Variants in RYR1 observed in about 807,000 individuals in gnomAD.
RYR1 encodes the protein central core disease of muscle.
RYR1 carries 342 observed loss-of-function variants against 583.5 expected under a neutral mutation model. The ratio of observed to expected loss-of-function variants is 0.59; its 90% CI spans 0.54 to 0.64. RYR1 has a LOEUF of 0.64. Among genes scored for constraint, RYR1 ranks in the 30% least tolerant of loss-of-function variants. The probability of loss-of-function intolerance (pLI) is 0.00; values close to 1 mark genes in which losing one functional copy is unlikely to be tolerated. For missense variants in RYR1, 6,032 were observed against 6,917.2 expected, an observed-to-expected ratio of 0.87 and a Z score of 4.54; for synonymous variants, 2,791 against 2,822.5, an observed-to-expected ratio of 0.99 and a Z score of 0.35.
At chr19:38,576,035 C>G in intron 97 of RYR1, 74 bp downstream of exon 97, 1 of 1,557,814 alleles carries the variant, frequency 6.4e-7, no homozygotes, top group Non-Finnish European at 8.9e-7. Context: ...GCCTGCCAAG[C>G]ACTTGCTTGG....
rs372977083 is a variant in RYR1, at chr19:38,515,785, TA to T, written c.9555-298del. Among the ~76,000 whole-genome samples, 636 of 152,150 alleles carry T rather than the reference TA, an allele frequency of 4.2e-3. 5 individuals are homozygous for T. The highest frequency in any genetic ancestry group is 0.014 in the African/African-American group (598 of 41,512). On this transcript the variant is annotated intron_variant, in intron 64 of 105. Coordinates refer to ENST00000359596, the MANE Select transcript of RYR1 (RefSeq NM_000540.3). ...GCATCTCTACAAAAACGACTTTTTT[TA>T]AAACTAGCTAGGCATGGTATGGTGT...
chr19:38,578,969 A>T (rs1974079224), intron 99 of RYR1, among the ~76,000 whole-genome samples: 1 of 151,690 alleles, frequency 6.6e-6, no homozygotes, highest in Non-Finnish European at 1.5e-5. Context: ...AACAATACAA[A>T]AATTAGCCAG....
At chr19:38,518,948 G>A (rs1230799299) in intron 66 of RYR1, among the ~76,000 whole-genome samples, 2 of 151,684 alleles carry the variant, frequency 1.3e-5, no homozygotes, top group Admixed American at 1.3e-4. Flanking sequence ...AAAAAGTTAG[G>A]TAACAGGTGA....
intron 78 of RYR1, among the ~76,000 whole-genome samples, chr19:38,533,716 C>T (rs1461828791): frequency 4.6e-5 from 7 of 150,864 alleles, no homozygotes; most frequent in South Asian, 2.1e-4. Flanking sequence ...CGCTTGAACC[C>T]GCGAGGTGGA....
rs536808255 is a variant in RYR1 at position 38,522,129 on chromosome 19, TA to T, written c.10260-898del. On this transcript the variant is annotated intron_variant, in intron 67 of 105. Transcript: ENST00000359596. ...GTACTTCCAGGGACCAGAAATGTCC[TA>T]TTTCTTGACTTCGGTGCTGGCTACA... Among the ~76,000 whole-genome samples, 448 of 152,316 alleles carry T rather than the reference TA, an allele frequency of 2.9e-3. 2 individuals are homozygous for T. The highest frequency in any genetic ancestry group is 0.01 in the African/African-American group (428 of 41,580).
chr19:38,436,209 C>CT (rs1045573135), intron 1 of RYR1, among the ~76,000 whole-genome samples: 9 of 151,088 alleles, frequency 6.0e-5, no homozygotes, highest in South Asian at 2.1e-4. Context: ...CACGCCCGGC[C>CT]TTTTTTTTTC....
chr19:38,508,380 T>G (rs1187153927), intron 58 of RYR1, among the ~76,000 whole-genome samples: 1 of 151,906 alleles, frequency 6.6e-6, no homozygotes, highest in Non-Finnish European at 1.5e-5. Context: ...CCCAGCTAAT[T>G]TTTTGTATTT....
intron 20 of RYR1, 142 bp from the exon 21 acceptor site, chr19:38,463,281 G>A (rs1221437705): frequency 2.8e-6 from 2 of 703,972 alleles, no homozygotes; most frequent in South Asian, 1.5e-5. Context: ...CAAGGCGAGG[G>A]ATGGGGAGCA....
chr19:38,463,389 C>T (rs781769253), intron 20 of RYR1, 34 bp from the exon 21 acceptor site: 5 of 1,585,592 alleles, frequency 3.2e-6, no homozygotes, highest in Non-Finnish European at 3.5e-6. Flanking sequence ...GGTAGAGGGA[C>T]CTTGGGGTCT....
chr19:38,543,226 A>G lies in RYR1; in HGVS notation c.11690-121A>G, dbSNP rs1972275203. On this transcript the variant is annotated intron_variant, in intron 84 of 105. Coordinates refer to ENST00000359596, the MANE Select transcript of RYR1 (RefSeq NM_000540.3). This position sits in a 1 kb window ranked among gnomAD's most constrained non-coding sequence, Gnocchi z 4.4. The stretch of plus-strand genomic sequence containing the variant: ...AGTTATTAAATAAATTGATGATGAT[A>G]TGCTTTCTGGCATACAATAGGAACT... 1 of 830,468 alleles carries G rather than the reference A, an allele frequency of 1.2e-6. No individual in the cohort carries two copies. Among genetic ancestry groups the G allele is most frequent in the Non-Finnish European group, 2.1e-6 (1 of 473,302 alleles). The allele number at this position is 830,468 out of a possible 1,614,324, so 51.4% of individuals were successfully genotyped here.
chr19:38,435,495 G>A (rs576698086), intron 1 of RYR1, among the ~76,000 whole-genome samples: 1 of 152,294 alleles, frequency 6.6e-6, no homozygotes, highest in South Asian at 2.1e-4. Context: ...ACTTTGGGAG[G>A]CCAAGGTGAG....
rs1972861220 is a variant in RYR1 at position 38,444,804 on chromosome 19, T to C, written c.631+127T>C. The C allele has an allele frequency of 2.8e-6, 2 of 722,932 alleles. No homozygotes were observed. Among genetic ancestry groups the C allele is most frequent in the African/African-American group, 1.8e-5 (1 of 56,172 alleles). The allele number at this position is 722,932 out of a possible 1,614,324, so 44.8% of individuals were successfully genotyped here. A position where few individuals can be genotyped will look rare whatever the true frequency, so the allele number is the denominator to read the frequency against. Reference sequence around the variant, plus strand: ...CAAACCTAGATCTCCAAATTATGGCTCTCACACTTAGATCTCCAGCTGACC... The same window carrying C: ...CAAACCTAGATCTCCAAATTATGGCCCTCACACTTAGATCTCCAGCTGACC... On this transcript the variant is annotated intron_variant, in intron 7 of 105. Coordinates refer to ENST00000359596, the MANE Select transcript of RYR1 (RefSeq NM_000540.3). The surrounding 1 kb of genome is among the most constrained non-coding windows in gnomAD (Gnocchi z 5.1).
intron 93 of RYR1, among the ~76,000 whole-genome samples, chr19:38,569,128 A>G (rs967125470): frequency 5.3e-5 from 8 of 151,752 alleles, no homozygotes; most frequent in African/African-American, 1.9e-4. Flanking sequence ...CTCCTGCCTC[A>G]GCCTCCCGAG....
At chr19:38,505,534 T>C in intron 53 of RYR1, 136 bp downstream of exon 53, 1 of 785,358 alleles carries the variant, frequency 1.3e-6, no homozygotes, top group Non-Finnish European at 2.1e-6. Context: ...TCATGGACTT[T>C]GCCTTCTCTC....
chr19:38,567,749 AC>A, intron 92 of RYR1, 23 bp from the exon 93 acceptor site: 1 of 1,613,900 alleles, frequency 6.2e-7, no homozygotes, highest in Non-Finnish European at 8.5e-7. Context: ...GCACCTCCTG[AC>A]CTCTCTCTGT....
rs1249205810 is a variant in RYR1 at position 38,502,796 on chromosome 19, GGCAGGGGCAGGGGGAGGA to G, written c.7836-70_7836-53del. ...GGGCAGGGGCAGGGGCAGGGGCAGG[GGCAGGGGCAGGGGGAGGA>G]GCAGGGGCAGGGGCAGCAGAGCGGG... On this transcript the variant is annotated intron_variant, in intron 48 of 105. Transcript: ENST00000359596. 21,967 of 1,044,566 alleles carry G rather than the reference GGCAGGGGCAGGGGGAGGA, an allele frequency of 0.021. 2,201 individuals carry two copies. The highest frequency in any genetic ancestry group is 0.05 in the East Asian group (1,547 of 30,962). 64.7% of individuals were successfully genotyped at this position (1,044,566 alleles called of 1,614,324 possible). A position where few individuals can be genotyped will look rare whatever the true frequency, so the allele number is the denominator to read the frequency against.
At chr19:38,558,798 T>A (rs1464805026) in intron 89 of RYR1, among the ~76,000 whole-genome samples, 1 of 139,092 alleles carries the variant, frequency 7.2e-6, no homozygotes, top group Admixed American at 7.4e-5. Context: ...AAATAATTTT[T>A]TAAAAAAATA....
Position 38,496,391 on chromosome 19 carries a change from C to A in RYR1, c.6664-18C>A. On this transcript the variant is annotated intron_variant, in intron 40 of 105. Transcript: ENST00000359596. The surrounding 1 kb of genome is among the most constrained non-coding windows in gnomAD (Gnocchi z 4.8). ...GGCAGCCACAGAGGGCAGGCCCTGA[C>A]CACCCTGCCTGTCCCAGGAGATCCG... 1.2e-6 allele frequency: 2 copies of A among 1,613,834 alleles called. No homozygotes were observed. The highest frequency in any genetic ancestry group is 1.7e-6 in the Non-Finnish European group (2 of 1,180,028).
At chr19:38,472,835 TAAAAAAAAA>T (rs34985897) in intron 27 of RYR1, among the ~76,000 whole-genome samples, 5 of 107,296 alleles carry the variant, frequency 4.7e-5, no homozygotes, top group African/African-American at 6.6e-5. Flanking sequence ...GACTCTTGTC[TAAAAAAAAA>T]AAAAAAAAAA....
Sources: allele counts gnomAD v4.1 joint callset (sites outside exome capture counted in the v4.1 genomes callset), GRCh38; gene constraint gnomAD v4.1.1; non-coding constraint Gnocchi (gnomAD v3.1); transcripts MANE v1.5; gene names NCBI Gene and HGNC (gene_info 2026-07-23, HGNC 2026-07-21).